ZNF516: variants seen among roughly 807,000 people sequenced by gnomAD.
ZNF516 encodes zinc finger protein 516.
Under a neutral mutation model 79.7 loss-of-function variants are expected in ZNF516, and 19 were observed. That is an observed-to-expected ratio of 0.24 (90% CI 0.17 to 0.35). The LOEUF (loss-of-function observed/expected upper bound fraction) is 0.35, where lower values mean the gene tolerates loss of function less well. Ranked by LOEUF, ZNF516 falls within the 10% of genes least tolerant of loss-of-function variation. The pLI is 1.00. For synonymous variants in ZNF516, 877 were observed against 739.5 expected (o/e 1.19, Z -3.02); for missense variants, 1,678 against 1,679.5 (o/e 1.00, Z 0.02).
At chr18:76,378,502 G>C (rs909530455) in intron 4 of ZNF516, among the ~76,000 whole-genome samples, 1 of 152,208 alleles carries the variant, frequency 6.6e-6, no homozygotes, top group Non-Finnish European at 1.5e-5. Context: ...AACACGTGAA[G>C]TGCAATCACG....
At chr18:76,444,562 G>A (rs1014386035) in intron 2 of ZNF516, among the ~76,000 whole-genome samples, 60 of 152,198 alleles carry the variant, frequency 3.9e-4, no homozygotes, top group Admixed American at 2.0e-3. Context: ...CATGAAAGAT[G>A]ACAGGGCCAC....
At chr18:76,441,173 C>T (rs780986194) in intron 3 of ZNF516, 72 bp downstream of exon 3, 3 of 1,523,824 alleles carry the variant, frequency 2.0e-6, no homozygotes, top group Admixed American at 2.1e-5. Context: ...CTTGAGTATA[C>T]GTTTACCTGG....
chr18:76,482,426 G>GT (rs1914577162), intron 1 of ZNF516, among the ~76,000 whole-genome samples: 1 of 152,246 alleles, frequency 6.6e-6, no homozygotes, highest in African/African-American at 2.4e-5. Context: ...GCAGAAAGCA[G>GT]TGAGCTGCTC....
In ZNF516 at chr18:76,467,608, G is replaced by A. The variant is rs1215818155; in HGVS notation, c.-271-4467C>T. ...GGTGGTGGGGAGGTCCAAACCAGAG[G>A]GGAGTCCCTGCTGCTCCTTCCTAAC... On this transcript the variant is annotated intron_variant, in intron 1 of 6. Transcript: ENST00000443185. This position sits in a 1 kb window ranked among gnomAD's most constrained non-coding sequence, Gnocchi z 4.2. Among the ~76,000 whole-genome samples the A allele has an allele frequency of 6.6e-6, 1 of 152,168 alleles. No individual in the cohort carries two copies. Among genetic ancestry groups the A allele is most frequent in the Non-Finnish European group, 1.5e-5 (1 of 68,038 alleles).
chr18:76,483,512 G>A (rs1188569441), intron 1 of ZNF516, among the ~76,000 whole-genome samples: 10 of 152,066 alleles, frequency 6.6e-5, no homozygotes, highest in Admixed American at 5.9e-4. Flanking sequence ...TCTGTCACGG[G>A]TCATCTGCCG....
chr18:76,434,537 G>A (rs999701251), intron 3 of ZNF516, among the ~76,000 whole-genome samples: 10 of 152,210 alleles, frequency 6.6e-5, no homozygotes, highest in Non-Finnish European at 1.5e-4. Flanking sequence ...ATCACTGAAT[G>A]TCTATCCTAA....
chr18:76,404,655 G>A (rs1435428658), intron 3 of ZNF516, among the ~76,000 whole-genome samples: 7 of 152,226 alleles, frequency 4.6e-5, no homozygotes, highest in Admixed American at 1.3e-4. Flanking sequence ...ATGTGCATGT[G>A]TACATGGGTG....
chr18:76,473,647 A>G (rs566870292), intron 1 of ZNF516, among the ~76,000 whole-genome samples: 155 of 151,986 alleles, frequency 1.0e-3, no homozygotes, highest in African/African-American at 3.4e-3. Context: ...TAAAAATACA[A>G]AAAATTATCC....
chr18:76,378,983 T>C lies in ZNF516; in HGVS notation c.3131A>G (p.Gln1044Arg), dbSNP rs752912074. 8.7e-6 allele frequency: 14 copies of C among 1,613,370 alleles called. No individual in the cohort carries two copies. In the Admixed American group the frequency reaches 2.2e-4, roughly 25 times the overall value. The change falls in exon 4 of 7, where the codon CAG becomes CGG. Residue 1044 changes from glutamine to arginine, a missense_variant. Physicochemically the swap from Gln to Arg is conservative, Grantham distance 43 (BLOSUM62 1). Around this residue, in one of 5 missense-constraint regions of ZNF516, gnomAD observed 1,294 missense variants for 1,248.3 expected, o/e 1.04. Coordinates refer to ENST00000443185, the MANE Select transcript of ZNF516 (RefSeq NM_014643.4). ...CTCATGCCCCTCGGCCACCGGCTCC[T>C]GTTTGATGGAGTGTAGGACGGGGGG... ...GAPPVLHSIKQEPVAEGHEKR... is the reference protein window; with the variant it reads ...GAPPVLHSIKREPVAEGHEKR...
Position 76,480,529 on chromosome 18 carries a change from A to AT in ZNF516, c.-272+14614dup, listed in dbSNP as rs1555720250. ...CACACACACACACACACACACATAT[A>AT]TTTTTTTTTTTGAGACGGAGTCTTG... On this transcript the variant is annotated intron_variant, in intron 1 of 6. Coordinates refer to ENST00000443185, the MANE Select transcript of ZNF516 (RefSeq NM_014643.4). Among the ~76,000 whole-genome samples the AT allele has an allele frequency of 6.6e-3, 931 of 142,066 alleles. 12 individuals are homozygous for AT. The highest frequency in any genetic ancestry group is 0.017 in the African/African-American group (649 of 38,138). The allele number at this position is 142,066 out of a possible 152,430, so 93.2% of individuals were successfully genotyped here.
At chr18:76,364,873 G>T (rs2074590619) in intron 6 of ZNF516, among the ~76,000 whole-genome samples, 1 of 152,240 alleles carries the variant, frequency 6.6e-6, no homozygotes, top group Non-Finnish European at 1.5e-5. Flanking sequence ...TGACTGGGGG[G>T]ATTTTGGGTA....
At chr18:76,365,667 G>A (rs1300735897) in intron 6 of ZNF516, among the ~76,000 whole-genome samples, 1 of 152,204 alleles carries the variant, frequency 6.6e-6, no homozygotes, top group Non-Finnish European at 1.5e-5. Flanking sequence ...AGCGGTCCTT[G>A]ATATTGGAAC....
chr18:76,449,715 A>C (rs1229815840), intron 2 of ZNF516, among the ~76,000 whole-genome samples: 1 of 152,260 alleles, frequency 6.6e-6, no homozygotes, highest in Admixed American at 6.5e-5. Flanking sequence ...GGGATTAATA[A>C]GTAATTGTTC....
intron 3 of ZNF516, among the ~76,000 whole-genome samples, chr18:76,410,829 C>G (rs890099242): frequency 2.0e-5 from 3 of 152,118 alleles, no homozygotes; most frequent in African/African-American, 7.2e-5. Context: ...AGCAATCTCC[C>G]GGGGGAGTTT....
At chr18:76,496,185 C>A, upstream of ZNF516, 3 of 1,094,590 alleles carry the variant, frequency 2.7e-6, no homozygotes, top group South Asian at 3.2e-5. Context: ...AGGGGCGGGT[C>A]GGAGCTAGCG....
Position 76,443,096 on chromosome 18 carries a change from G to A in ZNF516, c.-42C>T, listed in dbSNP as rs756775910. On this transcript the variant is annotated 5_prime_UTR_variant, in exon 3 of 7. Transcript: ENST00000443185. ...GCCGGTGGTGGCGGCACAGCTTTCTGTCGCGCGGGCTGCAGGGACCGTCCT... is the reference window on the plus strand; with the variant it reads ...GCCGGTGGTGGCGGCACAGCTTTCTATCGCGCGGGCTGCAGGGACCGTCCT... 1.3e-6 allele frequency: 2 copies of A among 1,536,080 alleles called. No individual in the cohort carries two copies. Among genetic ancestry groups the A allele is most frequent in the South Asian group, 2.4e-5 (2 of 84,424 alleles).
At chr18:76,385,998 A>G (rs762215663) in intron 3 of ZNF516, 1 of 152,270 alleles carries the variant, frequency 6.6e-6, no homozygotes, top group Non-Finnish European at 1.5e-5. Flanking sequence ...CTCTCTCTGC[A>G]AGACACTTTT....
chr18:76,405,464 T>G (rs1318847517), intron 3 of ZNF516, among the ~76,000 whole-genome samples: 1 of 152,128 alleles, frequency 6.6e-6, no homozygotes, highest in Admixed American at 6.5e-5. Context: ...GACTCCGCAG[T>G]GCATCAGCAT....
chr18:76,413,070 G>A (rs966648046), intron 3 of ZNF516, among the ~76,000 whole-genome samples: 8 of 152,210 alleles, frequency 5.3e-5, no homozygotes, highest in Non-Finnish European at 7.3e-5. Flanking sequence ...GTGAGGAAGC[G>A]GGAAGCGGAG....
Sources: allele counts gnomAD v4.1 joint callset (sites outside exome capture counted in the v4.1 genomes callset), GRCh38; gene constraint gnomAD v4.1.1; regional missense constraint gnomAD v4.1.1; non-coding constraint Gnocchi (gnomAD v3.1); transcripts MANE v1.5; gene names NCBI Gene and HGNC (gene_info 2026-07-23, HGNC 2026-07-21).